Variants in CFAP97 observed in about 807,000 individuals in gnomAD.
CFAP97 encodes cilia and flagella associated protein 97, also known as cilia- and flagella-associated protein 97.
A neutral mutation model predicts 43.1 loss-of-function variants in CFAP97; 36 were observed. The observed-to-expected ratio is 0.84, with a 90% CI of 0.64 to 1.10. The LOEUF is 1.10. CFAP97 is among the 50% of genes least tolerant of loss of function. The probability of loss-of-function intolerance (pLI) is 0.00; values close to 1 mark genes in which losing one functional copy is unlikely to be tolerated. For missense variants in CFAP97, 657 were observed against 620.3 expected, an observed-to-expected ratio of 1.06 and a Z score of -0.63; for synonymous variants, 228 against 225.7, an observed-to-expected ratio of 1.01 and a Z score of -0.09.
rs72490297 is a variant in CFAP97, at chr4:185,198,453, A to AAAGAAGG, written c.-17+5444_-17+5445insCCTTCTT. ...GTGAGACTCTGTCTTAAAAAAAAAA[A>AAAGAAGG]AAAGAAAGAAAGGAAGAAAAAGAAG... is the stretch of plus-strand genomic sequence containing the variant. On this transcript the variant is annotated intron_variant, in intron 1 of 4. Coordinates refer to ENST00000458385, the MANE Select transcript of CFAP97 (RefSeq NM_020827.3). 1.6e-3 allele frequency among the ~76,000 whole-genome samples: 243 copies of AAAGAAGG among 147,364 alleles called. 1 individual carries two copies. Among genetic ancestry groups the AAAGAAGG allele is most frequent in the East Asian group, 0.011 (53 of 4,974 alleles).
rs1320661635 is a variant in CFAP97 at position 185,162,879 on chromosome 4, A to T, written c.1518T>A (p.Ser506Arg). The stretch of plus-strand genomic sequence containing the variant: ...TGGAGGGGTCAACCGCTGATCGCTC[A>T]CTCCTACAACTGAGACCACTCGTAG... The part of the protein sequence containing the change: ...SSATSGLSCR[S>R]ERSAVDPSSG... Residue 506 changes from serine (S) to arginine (R), a missense_variant, in exon 5 of 5, where the codon AGT becomes AGA. Transcript: ENST00000458385. The T allele has an allele frequency of 6.2e-7, 1 of 1,609,762 alleles. No individual in the cohort carries two copies. Among genetic ancestry groups the T allele is most frequent in the Non-Finnish European group, 8.5e-7 (1 of 1,178,458 alleles).
At chr4:185,171,702 T>C (rs1187241069) in intron 3 of CFAP97, among the ~76,000 whole-genome samples, 1 of 152,184 alleles carries the variant, frequency 6.6e-6, no homozygotes, top group South Asian at 2.1e-4. Context: ...GAAAGAGATA[T>C]GGTTTAACAA....
In CFAP97 at chr4:185,192,733, C is replaced by CTTTTTTTTTTTTTTTTTTTT. The variant is rs760026667; in HGVS notation, c.-16-1541_-16-1522dup. 1.1e-4 allele frequency among the ~76,000 whole-genome samples: 9 copies of CTTTTTTTTTTTTTTTTTTTT among 81,416 alleles called. 1 individual carries two copies. Among genetic ancestry groups the CTTTTTTTTTTTTTTTTTTTT allele is most frequent in the African/African-American group, 3.8e-4 (7 of 18,350 alleles). 53.4% of individuals were successfully genotyped at this position (81,416 alleles called of 152,430 possible). A position where few individuals can be genotyped will look rare whatever the true frequency, so the allele number is the denominator to read the frequency against. On this transcript the variant is annotated intron_variant, in intron 1 of 4. Coordinates refer to ENST00000458385, the MANE Select transcript of CFAP97 (RefSeq NM_020827.3). ...CCTTCTTAAGATCAGAATTGACCTT[C>CTTTTTTTTTTTTTTTTTTTT]TTTTTTTTTTTTTTTTTTTTTTTTT...
Position 185,184,884 on chromosome 4 carries a change from T to C in CFAP97, c.1054+5259A>G, listed in dbSNP as rs181230198. The stretch of plus-strand genomic sequence containing the variant: ...GCTGAAACAATACCTTCCTTTTGTA[T>C]GCTCGTTTTTTAATCCTCTTTCCTA... On this transcript the variant is annotated intron_variant, in intron 2 of 4. Transcript: ENST00000458385. Among the ~76,000 whole-genome samples the C allele has an allele frequency of 1.1e-3, 172 of 152,352 alleles. 1 individual carries two copies. The highest frequency in any genetic ancestry group is 4.3e-3 in the Admixed American group (66 of 15,306).
chr4:185,200,040 G>A (rs376675876), intron 1 of CFAP97, among the ~76,000 whole-genome samples: 75 of 152,274 alleles, frequency 4.9e-4, no homozygotes, highest in Non-Finnish European at 3.2e-4. Context: ...TTCCTCTGAC[G>A]GATCTGAGCA....
intron 1 of CFAP97, among the ~76,000 whole-genome samples, chr4:185,196,096 A>T (rs1029188753): frequency 6.6e-6 from 1 of 152,248 alleles, no homozygotes; most frequent in South Asian, 2.1e-4. Flanking sequence ...TTTATAAACT[A>T]CAGGTCACAA....
chr4:185,198,496 A>C (rs142961014), intron 1 of CFAP97, among the ~76,000 whole-genome samples: 83 of 151,180 alleles, frequency 5.5e-4, no homozygotes, highest in African/African-American at 1.6e-3. Flanking sequence ...TATCACATAA[A>C]AGTACAAGGT....
intron 2 of CFAP97, among the ~76,000 whole-genome samples, chr4:185,177,483 G>GTTAATTTTT (rs1443546772): frequency 6.6e-6 from 1 of 151,366 alleles, no homozygotes; most frequent in African/African-American, 2.4e-5. Flanking sequence ...CTATCCTTAT[G>GTTAATTTTT]TTAATTTTTT....
At chr4:185,202,220 G>C (rs1186492736) in intron 1 of CFAP97, among the ~76,000 whole-genome samples, 1 of 152,162 alleles carries the variant, frequency 6.6e-6, no homozygotes, top group Non-Finnish European at 1.5e-5. Flanking sequence ...CTACCCACGA[G>C]GGTAGAAAAA....
intron 3 of CFAP97, among the ~76,000 whole-genome samples, chr4:185,166,773 T>C (rs549636211): frequency 4.7e-4 from 72 of 152,282 alleles, no homozygotes; most frequent in African/African-American, 1.7e-3. Flanking sequence ...TACATGAATA[T>C]AACAAGCTAA....
chr4:185,186,382 A>C (rs1372312099), intron 2 of CFAP97, among the ~76,000 whole-genome samples: 1 of 152,146 alleles, frequency 6.6e-6, no homozygotes, highest in East Asian at 1.9e-4. Flanking sequence ...GCAGTGAGCC[A>C]AGCTCGCGCC....
At chr4:185,175,741 G>A (rs759514657) in intron 3 of CFAP97, 45 bp downstream of exon 3, 2 of 1,576,104 alleles carry the variant, frequency 1.3e-6, no homozygotes, top group Admixed American at 1.7e-5. Context: ...ATACAAATCA[G>A]TGCAAACACA....
chr4:185,168,719 C>T (rs1240954062), intron 3 of CFAP97, among the ~76,000 whole-genome samples: 2 of 151,928 alleles, frequency 1.3e-5, no homozygotes, highest in African/African-American at 4.8e-5. Flanking sequence ...ATGGCGAAAC[C>T]CCATCTCTAC....
chr4:185,176,712 TTGAGGGCACTAATACAA>T (rs991013692), intron 2 of CFAP97, among the ~76,000 whole-genome samples: 2 of 152,108 alleles, frequency 1.3e-5, no homozygotes, highest in African/African-American at 2.4e-5. Flanking sequence ...AACCTCAGAG[TTGAGGGCACTAATACAA>T]TACTTAATTT....
chr4:185,199,030 G>A (rs1433023747), intron 1 of CFAP97, among the ~76,000 whole-genome samples: 1 of 152,196 alleles, frequency 6.6e-6, no homozygotes, highest in Non-Finnish European at 1.5e-5. Context: ...AGCTAATGGA[G>A]CTGGTGACTT....
upstream of CFAP97, among the ~76,000 whole-genome samples, chr4:185,206,525 G>A (rs891287038): frequency 2.0e-5 from 3 of 151,976 alleles, no homozygotes; most frequent in Non-Finnish European, 2.9e-5. Flanking sequence ...CAGGCATGCT[G>A]ATGCATGCCT....
chr4:185,204,809 G>A (rs185694257), upstream of CFAP97, among the ~76,000 whole-genome samples: 2 of 152,226 alleles, frequency 1.3e-5, no homozygotes, highest in Non-Finnish European at 2.9e-5. Flanking sequence ...GCCAAGGAGT[G>A]CAGGTAGAAG....
Position 185,175,868 on chromosome 4 carries a change from CTAGGAATTG to C in CFAP97, c.1229_1237del (p.Thr410_Pro412del), listed in dbSNP as rs753525979. On this transcript the variant is annotated inframe_deletion, in exon 3 of 5. Coordinates refer to ENST00000458385, the MANE Select transcript of CFAP97 (RefSeq NM_020827.3). ...TAACTTTGGGGGATGATCAGCCGATCTAGGAATTGTACTTTTGCTTCCCGGCTTTTCCGC... is the reference window on the plus strand; with the variant it reads ...TAACTTTGGGGGATGATCAGCCGATCTACTTTTGCTTCCCGGCTTTTCCGC... The C allele has an allele frequency of 6.2e-7, 1 of 1,613,928 alleles. No individual in the cohort carries two copies. Among genetic ancestry groups the C allele is most frequent in the East Asian group, 2.2e-5 (1 of 44,864 alleles).
chr4:185,161,745 C>T lies in CFAP97; in HGVS notation c.*1053G>A, dbSNP rs1560850879. 6.6e-6 allele frequency: 1 copy of T among 152,122 alleles called. No homozygotes were observed. Among genetic ancestry groups the T allele is most frequent in the African/African-American group, 2.4e-5 (1 of 41,436 alleles). The allele number at this position is 152,122 out of a possible 1,614,324, so 9.4% of individuals were successfully genotyped here. A position where few individuals can be genotyped will look rare whatever the true frequency, so the allele number is the denominator to read the frequency against. On this transcript the variant is annotated 3_prime_UTR_variant, in exon 5 of 5. Transcript: ENST00000458385. ...TCAAATAAATCAAAGTAAACCAAAA[C>T]AAGAAAATTAGCTAATACTTAAAGC...
Sources: gnomAD v4.1 joint callset for allele counts (sites outside exome capture counted in the v4.1 genomes callset) on GRCh38, gnomAD v4.1.1 for gene constraint, MANE v1.5 for transcripts, NCBI Gene and HGNC (gene_info 2026-07-23, HGNC 2026-07-21) for gene names.